Variants in AMOTL1 observed in about 807,000 individuals in gnomAD.
AMOTL1 encodes angiomotin like 1.
In AMOTL1, 45 loss-of-function variants were observed where a neutral mutation model predicts 102.9. The ratio of observed to expected loss-of-function variants is 0.44; its 90% CI spans 0.34 to 0.56. The LOEUF (loss-of-function observed/expected upper bound fraction) is 0.56, where lower values mean the gene tolerates loss of function less well. AMOTL1 is among the 20% of genes least tolerant of loss of function. The pLI is 0.01. For synonymous variants in AMOTL1, 481 were observed against 484.7 expected (o/e 0.99, Z 0.10); for missense variants, 1,114 against 1,225.6 (o/e 0.91, Z 1.36).
intron 6 of AMOTL1, among the ~76,000 whole-genome samples, chr11:94,839,851 A>G (rs1017532566): frequency 6.6e-6 from 1 of 152,240 alleles, no homozygotes; most frequent in South Asian, 2.1e-4. Context: ...TTTTTATACT[A>G]GAAGTCTTAA....
chr11:94,728,460 A>G (rs190899570), intron 1 of AMOTL1, among the ~76,000 whole-genome samples: 15 of 152,326 alleles, frequency 9.8e-5, no homozygotes, highest in African/African-American at 3.6e-4. Context: ...ATACATGTTC[A>G]TTGTTGAAAA....
chr11:94,795,558 T>C (rs1052756403), intron 2 of AMOTL1, among the ~76,000 whole-genome samples: 8 of 152,224 alleles, frequency 5.3e-5, no homozygotes, highest in Non-Finnish European at 4.4e-5. Flanking sequence ...TTCAGAACTA[T>C]AGCAAGGAAG....
At chr11:94,837,044 T>G (rs1952199202) in intron 6 of AMOTL1, among the ~76,000 whole-genome samples, 1 of 152,188 alleles carries the variant, frequency 6.6e-6, no homozygotes, top group Non-Finnish European at 1.5e-5. Context: ...CCAAGAAGCC[T>G]GCCAGGGTGA....
At chr11:94,847,527 A>C (rs754087909) in intron 6 of AMOTL1, among the ~76,000 whole-genome samples, 13 of 152,170 alleles carry the variant, frequency 8.5e-5, no homozygotes, top group Non-Finnish European at 1.9e-4. Flanking sequence ...CGTCATCAAC[A>C]GCATCATTGT....
In AMOTL1 at chr11:94,873,787, A is replaced by G. The variant is rs866562609; in HGVS notation, c.*2992A>G. 2.4e-4 allele frequency: 34 copies of G among 142,608 alleles called. No homozygotes were observed. Among genetic ancestry groups the G allele is most frequent in the Non-Finnish European group, 3.9e-4 (25 of 63,574 alleles). 8.8% of individuals were successfully genotyped at this position (142,608 alleles called of 1,614,324 possible). A position where few individuals can be genotyped will look rare whatever the true frequency, so the allele number is the denominator to read the frequency against. ...TGTGCACGTGTAACTACACACACACACACACACACACACACACACACACAC... is the reference window on the plus strand; with the variant it reads ...TGTGCACGTGTAACTACACACACACGCACACACACACACACACACACACAC... On this transcript the variant is annotated 3_prime_UTR_variant, in exon 13 of 13. Transcript: ENST00000433060.
rs149500556 is a variant in AMOTL1, at chr11:94,873,776, TACACAC to T, written c.*3013_*3018del. ...TGTGATGTGTGTGTGCACGTGTAAC[TACACAC>T]ACACACACACACACACACACACACA... On this transcript the variant is annotated 3_prime_UTR_variant, in exon 13 of 13. Coordinates refer to ENST00000433060, the MANE Select transcript of AMOTL1 (RefSeq NM_130847.3). 3,415 of 142,548 alleles carry T rather than the reference TACACAC, an allele frequency of 0.024. 81 individuals are homozygous for T. Among genetic ancestry groups the T allele is most frequent in the East Asian group, 0.13 (622 of 4,918 alleles). 8.8% of individuals were successfully genotyped at this position (142,548 alleles called of 1,614,324 possible). A position where few individuals can be genotyped will look rare whatever the true frequency, so the allele number is the denominator to read the frequency against.
intron 10 of AMOTL1, among the ~76,000 whole-genome samples, 190 bp from the exon 11 acceptor site, chr11:94,865,752 G>A (rs1952869417): frequency 6.6e-6 from 1 of 152,134 alleles, no homozygotes; most frequent in African/African-American, 2.4e-5. Context: ...CAGAGAAGGT[G>A]TACTCTTTTG....
chr11:94,791,634 C>T (rs1386232586), intron 1 of AMOTL1, among the ~76,000 whole-genome samples: 1 of 152,164 alleles, frequency 6.6e-6, no homozygotes, highest in Non-Finnish European at 1.5e-5. Context: ...TAAAAACTGG[C>T]ACCATTGCTC....
intron 1 of AMOTL1, among the ~76,000 whole-genome samples, chr11:94,719,202 A>T (rs565378110): frequency 1.3e-5 from 2 of 152,166 alleles, no homozygotes; most frequent in African/African-American, 4.8e-5. Context: ...TGGACTTCCT[A>T]TTCTGTGCTA....
intron 6 of AMOTL1, among the ~76,000 whole-genome samples, chr11:94,833,689 G>A (rs139065973): frequency 1.7e-3 from 259 of 152,336 alleles, no homozygotes; most frequent in Admixed American, 3.5e-3. Context: ...AAATTCATGA[G>A]GGACTGTCCT....
At chr11:94,855,521 C>A (rs1565383168) in intron 8 of AMOTL1, among the ~76,000 whole-genome samples, 1 of 152,120 alleles carries the variant, frequency 6.6e-6, no homozygotes, top group Non-Finnish European at 1.5e-5. Context: ...CAGCACTGGC[C>A]CACAGTAGAC....
intron 1 of AMOTL1, among the ~76,000 whole-genome samples, chr11:94,772,312 T>C (rs752065505): frequency 6.6e-6 from 1 of 152,218 alleles, no homozygotes; most frequent in Non-Finnish European, 1.5e-5. Context: ...GTACAGACTA[T>C]TTTATTACCC....
At chr11:94,870,367 G>T (rs1047216628) in intron 12 of AMOTL1, among the ~76,000 whole-genome samples, 1 of 152,176 alleles carries the variant, frequency 6.6e-6, no homozygotes. Flanking sequence ...TTCCAAGTAA[G>T]CCAGAGAACC....
chr11:94,754,222 C>T (rs1439434470), intron 3 of AMOTL1, among the ~76,000 whole-genome samples: 2 of 152,136 alleles, frequency 1.3e-5, no homozygotes, highest in African/African-American at 2.4e-5. Context: ...AAGAGGAACC[C>T]GACTCAGTCA....
In AMOTL1 at chr11:94,799,856, G is replaced by A; in HGVS notation, c.666G>A (p.Gly222=). 1 of 1,591,388 alleles carries A rather than the reference G, an allele frequency of 6.3e-7. No individual in the cohort carries two copies. Among genetic ancestry groups the A allele is most frequent in the Non-Finnish European group, 8.6e-7 (1 of 1,168,482 alleles). ...TGGGCCATGGTTACTACATGGCAGGGGGCACCAGTCAGAAGTCCCGAACTG... is the reference window on the plus strand; with the variant it reads ...TGGGCCATGGTTACTACATGGCAGGAGGCACCAGTCAGAAGTCCCGAACTG... ...GAVGHGYYMA[G]GTSQKSRTEG... The change falls in exon 3 of 13, where the codon GGG becomes GGA. Residue 222 remains glycine (G), a synonymous_variant. Coordinates refer to ENST00000433060, the MANE Select transcript of AMOTL1 (RefSeq NM_130847.3). This position sits in a 1 kb window ranked among gnomAD's most constrained non-coding sequence, Gnocchi z 4.5.
intron 10 of AMOTL1, 116 bp from the exon 11 acceptor site, chr11:94,865,826 G>A: frequency 4.7e-6 from 4 of 857,346 alleles, no homozygotes; most frequent in African/African-American, 3.4e-5. Context: ...CTCGTACTGT[G>A]CTTCATCCTG....
chr11:94,867,811 G>T (rs780302767), intron 11 of AMOTL1, among the ~76,000 whole-genome samples: 9 of 152,190 alleles, frequency 5.9e-5, no homozygotes, highest in Non-Finnish European at 1.2e-4. Context: ...GCAGACTCTG[G>T]AGTTTCCACA....
intron 3 of AMOTL1, among the ~76,000 whole-genome samples, chr11:94,759,568 G>T (rs1950766622): frequency 1.7e-5 from 1 of 57,800 alleles, no homozygotes; most frequent in African/African-American, 5.6e-5. Context: ...CATCTTTTAG[G>T]TGCAAAAAAA....
At position 94,866,163 on chromosome 11, in the gene AMOTL1, G is replaced by A. The variant is rs776040218; in HGVS notation, c.2483G>A (p.Ser828Asn). ...EKKEEKTWKG[S>N]IGLLLGKEHH... ...AAGGAAGAGAAGACCTGGAAGGGGA[G>A]CATAGGTGAGCCCCACACCTCTGTC... The change falls in exon 11 of 13, where the codon AGC becomes AAC. Residue 828 changes from serine (S) to asparagine (N), a missense_variant. Physicochemically the swap from Ser to Asn is conservative, Grantham distance 46. Transcript: ENST00000433060. 66 of 1,613,808 alleles carry A rather than the reference G, an allele frequency of 4.1e-5. No homozygotes were observed. The highest frequency in any genetic ancestry group is 1.7e-4 in the African/African-American group (13 of 75,038).
Sources: allele counts gnomAD v4.1 joint callset (sites outside exome capture counted in the v4.1 genomes callset), GRCh38; gene constraint gnomAD v4.1.1; non-coding constraint Gnocchi (gnomAD v3.1); transcripts MANE v1.5; gene names NCBI Gene and HGNC (gene_info 2026-07-23, HGNC 2026-07-21).